FRMD4B: variants seen among roughly 807,000 people sequenced by gnomAD.
The protein encoded by FRMD4B is FERM domain containing 4B.
A neutral mutation model predicts 141.5 loss-of-function variants in FRMD4B; 74 were observed. The ratio of observed to expected loss-of-function variants is 0.52; its 90% confidence interval spans 0.43 to 0.63. The LOEUF is 0.63. Ranked by LOEUF, FRMD4B falls within the 30% of genes least tolerant of loss-of-function variation. The probability of loss-of-function intolerance (pLI) is 0.00; values close to 1 mark genes in which losing one functional copy is unlikely to be tolerated. For synonymous variants in FRMD4B, 506 were observed against 467.9 expected (o/e 1.08, Z -1.05); for missense variants, 1,366 against 1,253.4 (o/e 1.09, Z -1.36).
chr3:69,232,761 A>G (rs1383153932), intron 7 of FRMD4B, among the ~76,000 whole-genome samples: 1 of 152,086 alleles, frequency 6.6e-6, no homozygotes, highest in African/African-American at 2.4e-5. Context: ...AAGGGAGTGC[A>G]GGCAGTTAGC....
intron 1 of FRMD4B, among the ~76,000 whole-genome samples, chr3:69,496,636 A>AT: frequency 8.5e-6 from 1 of 118,258 alleles, no homozygotes. Flanking sequence ...AGAGAGAGAG[A>AT]AAGAGAGAGA....
chr3:69,318,404 C>T (rs1165739578), intron 1 of FRMD4B, among the ~76,000 whole-genome samples: 1 of 152,172 alleles, frequency 6.6e-6, no homozygotes, highest in African/African-American at 2.4e-5. Context: ...GTCATCTACT[C>T]ATAATCACTG....
Position 69,224,594 on chromosome 3 carries a change from G to A in FRMD4B, c.665+13C>T. On this transcript the variant is annotated intron_variant, in intron 8 of 22. Transcript: ENST00000398540. ...TATGAAAATGAGACACCTGTTATGTGGATTTGGCTTACCAGTAGGCAAGGG... is the reference window on the plus strand; with the variant it reads ...TATGAAAATGAGACACCTGTTATGTAGATTTGGCTTACCAGTAGGCAAGGG... The A allele has an allele frequency of 7.5e-7, 1 of 1,337,676 alleles. No individual in the cohort carries two copies. Among genetic ancestry groups the A allele is most frequent in the East Asian group, 2.3e-5 (1 of 43,258 alleles). The allele number at this position is 1,337,676 out of a possible 1,614,324, so 82.9% of individuals were successfully genotyped here.
chr3:69,221,226 A>G (rs959117204), intron 9 of FRMD4B, among the ~76,000 whole-genome samples: 1 of 152,048 alleles, frequency 6.6e-6, no homozygotes, highest in Admixed American at 6.6e-5. Flanking sequence ...GCCTACCAAA[A>G]TGCTGGGATT....
chr3:69,289,274 G>C (rs1001317506), intron 4 of FRMD4B, among the ~76,000 whole-genome samples: 1 of 152,186 alleles, frequency 6.6e-6, no homozygotes, highest in African/African-American at 2.4e-5. Context: ...TGAATGTCGT[G>C]ACTGTACTTA....
chr3:69,307,034 C>T (rs996501566), intron 3 of FRMD4B, among the ~76,000 whole-genome samples: 1 of 152,134 alleles, frequency 6.6e-6, no homozygotes, highest in African/African-American at 2.4e-5. Context: ...CCAATTTCCA[C>T]CCCCTCAACA....
At chr3:69,293,017 G>A in intron 4 of FRMD4B, 1 of 454,286 alleles carries the variant, frequency 2.2e-6, no homozygotes, top group Non-Finnish European at 4.4e-6. Context: ...ATTTGCTCAG[G>A]AAGGTTTTGT....
chr3:69,179,338 C>A lies in FRMD4B; in HGVS notation c.2851+1561G>T, dbSNP rs180800804. ...CTGTGCCGTAGTGACCATCCACATG[C>A]ATCTCAGCCCTCCTTGTTTGGTCTT... On this transcript the variant is annotated intron_variant, in intron 21 of 22. Coordinates refer to ENST00000398540, the MANE Select transcript of FRMD4B (RefSeq NM_015123.3). Among the ~76,000 whole-genome samples, 3 of 152,316 alleles carry A rather than the reference C, an allele frequency of 2.0e-5. No homozygotes were observed. The South Asian group carries it at 6.2e-4, about 32-fold the overall frequency.
chr3:69,444,651 A>C (rs756108977), intron 1 of FRMD4B, among the ~76,000 whole-genome samples: 7 of 152,208 alleles, frequency 4.6e-5, no homozygotes, highest in Non-Finnish European at 7.3e-5. Flanking sequence ...ATGGAAAAGA[A>C]AATAACCAAA....
chr3:69,325,081 A>G (rs138460140), intron 1 of FRMD4B, among the ~76,000 whole-genome samples: 4 of 13,334 alleles, frequency 3.0e-4, no homozygotes, highest in African/African-American at 5.1e-4. Flanking sequence ...TGTCTAAAAA[A>G]AAAAAAAGAA....
intron 1 of FRMD4B, among the ~76,000 whole-genome samples, chr3:69,456,029 G>GTTTC (rs1705603753): frequency 6.6e-6 from 1 of 152,154 alleles, no homozygotes; most frequent in African/African-American, 2.4e-5. Context: ...ACTTAGTTTA[G>GTTTC]TTTCTGGCAC....
intron 1 of FRMD4B, chr3:69,377,040 A>G (rs1315463859): frequency 6.6e-6 from 1 of 152,156 alleles, no homozygotes; most frequent in Non-Finnish European, 1.5e-5. Context: ...AGGTTCAAAA[A>G]TGCTTTTCAA....
chr3:69,541,137 T>C (rs1328204802), intron 1 of FRMD4B: 2 of 59,772 alleles, frequency 3.3e-5, no homozygotes, highest in African/African-American at 2.2e-4. Flanking sequence ...GGCTAGTAAA[T>C]TTCTGGGGCG....
chr3:69,292,247 A>C (rs1281451989), intron 4 of FRMD4B, among the ~76,000 whole-genome samples: 1 of 152,194 alleles, frequency 6.6e-6, no homozygotes, highest in African/African-American at 2.4e-5. Flanking sequence ...AATCCATAGA[A>C]CTAAGCACCA....
At chr3:69,355,159 G>A (rs1326597068) in intron 1 of FRMD4B, among the ~76,000 whole-genome samples, 4 of 152,112 alleles carry the variant, frequency 2.6e-5, no homozygotes, top group Admixed American at 6.6e-5. Flanking sequence ...GACTCAAAGA[G>A]GACTTTTGTT....
chr3:69,282,096 G>A (rs1347237986), intron 5 of FRMD4B, among the ~76,000 whole-genome samples: 2 of 152,130 alleles, frequency 1.3e-5, no homozygotes, highest in Non-Finnish European at 2.9e-5. Context: ...TAGCTGTGCA[G>A]AGCTTCAGCA....
chr3:69,453,314 C>T (rs1198252114), intron 1 of FRMD4B, among the ~76,000 whole-genome samples: 1 of 152,208 alleles, frequency 6.6e-6, no homozygotes, highest in Non-Finnish European at 1.5e-5. Context: ...GAATCTACTT[C>T]TGGTGCAGGG....
chr3:69,507,115 A>G (rs1238091322), intron 1 of FRMD4B, among the ~76,000 whole-genome samples: 1 of 152,188 alleles, frequency 6.6e-6, no homozygotes, highest in East Asian at 1.9e-4. Context: ...TTTGTGGAAC[A>G]CCAATTAGCC....
At chr3:69,286,158 C>A (rs1320233361) in intron 5 of FRMD4B, among the ~76,000 whole-genome samples, 2 of 152,136 alleles carry the variant, frequency 1.3e-5, no homozygotes, top group African/African-American at 4.8e-5. Flanking sequence ...AAAGGAAGTC[C>A]TCCAGGCAGA....
Sources: allele counts gnomAD v4.1 joint callset (sites outside exome capture counted in the v4.1 genomes callset), GRCh38; gene constraint gnomAD v4.1.1; transcripts MANE v1.5; gene names NCBI Gene and HGNC (gene_info 2026-07-23, HGNC 2026-07-21).